Variants in CNOT1 observed in about 807,000 individuals in gnomAD.
CNOT1 encodes CCR4-NOT transcription complex subunit 1, also known as CCR4-associated factor 1.
A neutral mutation model predicts 273.8 loss-of-function variants in CNOT1; 15 were observed. The observed-to-expected ratio is 0.05, with a 90% CI of 0.04 to 0.08. CNOT1 has a LOEUF of 0.08. Among genes scored for constraint, CNOT1 ranks in the 10% least tolerant of loss-of-function variants. The pLI is 1.00. For synonymous variants in CNOT1, 1,022 were observed against 1,005.5 expected (o/e 1.02, Z -0.31); for missense variants, 1,644 against 2,912.2 (o/e 0.56, Z 10.02).
chr16:58,543,927 T>C, intron 30 of CNOT1, 24 bp from the exon 31 acceptor site: 1 of 1,568,658 alleles, frequency 6.4e-7, no homozygotes, highest in East Asian at 2.3e-5. Context: ...GAGGACAAAG[T>C]CAACACCTTG....
chr16:58,537,322 GTTTACCACTTCGC>G lies in CNOT1; in HGVS notation c.5415-115_5415-103del, dbSNP rs1458956774. ...TTATTTAACAGCAACCACCAGAGTG[GTTTACCACTTCGC>G]TTTACCACTTCCACACTGAAACAAA... is the stretch of plus-strand genomic sequence containing the variant. On this transcript the variant is annotated intron_variant, in intron 38 of 48. Transcript: ENST00000317147. The G allele has an allele frequency of 2.5e-5, 37 of 1,470,482 alleles. No homozygotes were observed. The Middle Eastern group carries it at 6.5e-4, about 26-fold the overall frequency. 91.1% of individuals were successfully genotyped at this position (1,470,482 alleles called of 1,614,324 possible).
chr16:58,574,840 T>A (rs1030851389), intron 15 of CNOT1, 80 bp from the exon 16 acceptor site: 1 of 1,565,202 alleles, frequency 6.4e-7, no homozygotes, highest in African/African-American at 1.4e-5. Context: ...CTAAGCACTA[T>A]AACTAAAATC....
intron 2 of CNOT1, among the ~76,000 whole-genome samples, chr16:58,596,654 A>G (rs1014034994): frequency 4.0e-5 from 6 of 151,736 alleles, no homozygotes; most frequent in Non-Finnish European, 4.4e-5. Flanking sequence ...TTGGGAGGCC[A>G]AGGCGGGCGG....
chr16:58,539,576 GA>G (rs2040023079), intron 35 of CNOT1, among the ~76,000 whole-genome samples, 191 bp downstream of exon 35: 1 of 149,952 alleles, frequency 6.7e-6, no homozygotes, highest in Non-Finnish European at 1.5e-5. Flanking sequence ...AAAAAATGAA[GA>G]TTTCCAAGTT....
At chr16:58,622,483 G>A (rs566353830) in intron 1 of CNOT1, among the ~76,000 whole-genome samples, 61 of 152,060 alleles carry the variant, frequency 4.0e-4, no homozygotes, top group Middle Eastern at 3.4e-3. Flanking sequence ...AGAAAAAAAC[G>A]CAAAACCTAG....
intron 2 of CNOT1, 56 bp from the exon 3 acceptor site, chr16:58,588,962 GT>G (rs2041963701): frequency 6.8e-7 from 1 of 1,467,028 alleles, no homozygotes; most frequent in African/African-American, 1.4e-5. Context: ...AAAAAAAAAA[GT>G]AAGGTTTCAA....
chr16:58,547,412 C>A lies in CNOT1; in HGVS notation c.3640-116G>T. 1 of 1,529,020 alleles carries A rather than the reference C, an allele frequency of 6.5e-7. No homozygotes were observed. Among genetic ancestry groups the A allele is most frequent in the South Asian group, 1.3e-5 (1 of 78,888 alleles). The allele number at this position is 1,529,020 out of a possible 1,614,324, so 94.7% of individuals were successfully genotyped here. On this transcript the variant is annotated intron_variant, in intron 26 of 48. Coordinates refer to ENST00000317147, the MANE Select transcript of CNOT1 (RefSeq NM_016284.5). This position sits in a 1 kb window ranked among gnomAD's most constrained non-coding sequence, Gnocchi z 4.0. Reference sequence around the variant, plus strand: ...CCCAAAACAGGAATCAACATAATGTCTAGTCCTTGCCTTACAAAAAGGGGT... The same window carrying A: ...CCCAAAACAGGAATCAACATAATGTATAGTCCTTGCCTTACAAAAAGGGGT...
intron 1 of CNOT1, among the ~76,000 whole-genome samples, chr16:58,613,972 G>A (rs1172497165): frequency 8.4e-6 from 1 of 118,638 alleles, no homozygotes; most frequent in Non-Finnish European, 2.0e-5. Context: ...GGCACCTGTA[G>A]TCCCAGCTAC....
At chr16:58,602,219 C>CTAGTAATAG in intron 1 of CNOT1, among the ~76,000 whole-genome samples, 1 of 152,024 alleles carries the variant, frequency 6.6e-6, no homozygotes, top group Non-Finnish European at 1.5e-5. Context: ...CTGGCATGTG[C>CTAGTAATAG]CACCACGACT....
chr16:58,558,396 A>C (rs2040711486), intron 18 of CNOT1, 77 bp downstream of exon 18: 2 of 1,587,720 alleles, frequency 1.3e-6, no homozygotes, highest in South Asian at 2.3e-5. Flanking sequence ...CAGTGACTCC[A>C]AACCCCTTAC....
chr16:58,581,642 T>G, intron 10 of CNOT1, 127 bp from the exon 11 acceptor site: 1 of 1,389,940 alleles, frequency 7.2e-7, no homozygotes, highest in South Asian at 1.6e-5. Flanking sequence ...AATGTGAATT[T>G]TAAGAAACCC....
At chr16:58,539,472 C>CACAG (rs756914878) in intron 35 of CNOT1, among the ~76,000 whole-genome samples, 1 of 145,138 alleles carries the variant, frequency 6.9e-6, no homozygotes, top group Non-Finnish European at 1.5e-5. Context: ...CTCTTACACA[C>CACAG]ACACACACAC....
chr16:58,543,084 C>T, intron 31 of CNOT1: 1 of 1,231,376 alleles, frequency 8.1e-7, no homozygotes, highest in Non-Finnish European at 1.0e-6. Flanking sequence ...CAGAGTGAGA[C>T]CCTGTCTCAT....
At chr16:58,556,716 T>A (rs2040644725) in intron 19 of CNOT1, 131 bp downstream of exon 19, 1 of 1,398,712 alleles carries the variant, frequency 7.1e-7, no homozygotes, top group East Asian at 2.6e-5. Context: ...TTTTAATAAT[T>A]CAAATTTGTG....
chr16:58,603,407 AAGTGTGTGTG>A (rs1160205358), intron 1 of CNOT1, among the ~76,000 whole-genome samples: 3,346 of 126,350 alleles, frequency 0.026, 70 homozygotes, highest in Middle Eastern at 0.062. Context: ...TACAATTTAA[AAGTGTGTGTG>A]TGTGTGTGTG....
intron 47 of CNOT1, 173 bp downstream of exon 47, chr16:58,523,197 A>T (rs1024751793): frequency 4.1e-6 from 2 of 489,534 alleles, no homozygotes; most frequent in Admixed American, 8.2e-5. Context: ...GTGAGCCAAG[A>T]TGGCGCCACT....
chr16:58,581,277 A>T (rs1260214328), intron 11 of CNOT1, 68 bp downstream of exon 11: 4 of 1,494,056 alleles, frequency 2.7e-6, no homozygotes, highest in Non-Finnish European at 3.6e-6. Flanking sequence ...ATCAATGGGT[A>T]GATGGCACTA....
intron 39 of CNOT1, among the ~76,000 whole-genome samples, 194 bp from the exon 40 acceptor site, chr16:58,534,589 A>C (rs561901519): frequency 2.6e-5 from 4 of 152,184 alleles, no homozygotes; most frequent in Non-Finnish European, 4.4e-5. Context: ...TCCAGTTTTA[A>C]GTTTAATGTA....
At position 58,538,225 on chromosome 16, in the gene CNOT1, TC is replaced by T; in HGVS notation, c.5176del (p.Glu1726ArgfsTer6). The T allele has an allele frequency of 6.9e-7, 1 of 1,453,964 alleles. No individual in the cohort carries two copies. Among genetic ancestry groups the T allele is most frequent in the Non-Finnish European group, 9.7e-7 (1 of 1,033,754 alleles). 90.1% of individuals were successfully genotyped at this position (1,453,964 alleles called of 1,614,324 possible). On this transcript the variant is annotated frameshift_variant, in exon 37 of 49. Transcript: ENST00000317147. LOFTEE classifies it high-confidence loss of function. ...ATTGCGAATTAGCAGCTCCACAGCCTCCACATTATATTTATATTCATCTCGA... is the reference window on the plus strand; with the variant it reads ...ATTGCGAATTAGCAGCTCCACAGCCTCACATTATATTTATATTCATCTCGA... ...ECRDEYKYNV[E>X]AVELLIRNHL...
Sources: gnomAD v4.1 joint callset for allele counts (sites outside exome capture counted in the v4.1 genomes callset) on GRCh38, gnomAD v4.1.1 for gene constraint, Gnocchi (gnomAD v3.1) non-coding constraint, MANE v1.5 for transcripts, NCBI Gene and HGNC (gene_info 2026-07-23, HGNC 2026-07-21) for gene names.